SNX29: variants seen among roughly 807,000 people sequenced by gnomAD.
The protein encoded by SNX29 is sorting nexin 29, also known as sorting nexin-29.
Under a neutral mutation model 102.1 loss-of-function variants are expected in SNX29, and 78 were observed. That is an observed-to-expected ratio of 0.76 (90% confidence interval 0.64 to 0.92). The LOEUF is 0.92. SNX29 is among the 40% of genes least tolerant of loss of function. The pLI is 0.00. For synonymous variants in SNX29, 580 were observed against 414.5 expected, an observed-to-expected ratio of 1.40 and a Z score of -4.85; for missense variants, 1,280 against 1,061.7, an observed-to-expected ratio of 1.21 and a Z score of -2.86.
chr16:12,538,137 A>T (rs578009594), intron 20 of SNX29, among the ~76,000 whole-genome samples: 2 of 151,980 alleles, frequency 1.3e-5, no homozygotes, highest in Non-Finnish European at 2.9e-5. Flanking sequence ...TATTTTTGAG[A>T]CGGAGTCTCA....
At chr16:12,208,669 C>G (rs1160444819) in intron 14 of SNX29, among the ~76,000 whole-genome samples, 1 of 151,968 alleles carries the variant, frequency 6.6e-6, no homozygotes, top group Admixed American at 6.6e-5. Flanking sequence ...AAGAGGTCGT[C>G]TCTGCAAACA....
intron 20 of SNX29, among the ~76,000 whole-genome samples, chr16:12,535,566 G>A (rs961954598): frequency 2.6e-5 from 4 of 152,200 alleles, no homozygotes; most frequent in African/African-American, 9.7e-5. Context: ...AGCATGGGGA[G>A]TGTGAGCTGG....
At chr16:12,538,038 C>A (rs560874411) in intron 20 of SNX29, among the ~76,000 whole-genome samples, 11 of 152,024 alleles carry the variant, frequency 7.2e-5, no homozygotes, top group South Asian at 6.3e-4. Context: ...TCGTCCTGTC[C>A]TGCTAAAGTA....
At chr16:12,111,649 C>T (rs2053506047) in intron 11 of SNX29, among the ~76,000 whole-genome samples, 1 of 152,174 alleles carries the variant, frequency 6.6e-6, no homozygotes, top group African/African-American at 2.4e-5. Context: ...GGCATAGCCA[C>T]CCAGCAGAGC....
At chr16:12,520,927 A>G (rs913189066) in intron 19 of SNX29, among the ~76,000 whole-genome samples, 2 of 152,172 alleles carry the variant, frequency 1.3e-5, no homozygotes, top group African/African-American at 4.8e-5. Context: ...GGCCGGGTGC[A>G]GTAGCTCATG....
At chr16:12,551,789 C>T (rs975444039) in intron 20 of SNX29, among the ~76,000 whole-genome samples, 1 of 152,224 alleles carries the variant, frequency 6.6e-6, no homozygotes, top group East Asian at 1.9e-4. Flanking sequence ...TTCAGAAGCA[C>T]ATGGGCATCA....
chr16:12,415,920 G>A (rs958204898), intron 18 of SNX29, among the ~76,000 whole-genome samples: 4 of 152,152 alleles, frequency 2.6e-5, no homozygotes, highest in Non-Finnish European at 4.4e-5. Flanking sequence ...ATCTTGTCGG[G>A]AAGAAATGGC....
chr16:12,033,711 T>A (rs1359165443), intron 4 of SNX29, among the ~76,000 whole-genome samples: 1 of 151,642 alleles, frequency 6.6e-6, no homozygotes, highest in Non-Finnish European at 1.5e-5. Context: ...GGTTCAAGTG[T>A]TTCTCCTGCT....
chr16:12,025,755 A>G (rs905270839), intron 3 of SNX29, among the ~76,000 whole-genome samples: 3 of 152,222 alleles, frequency 2.0e-5, no homozygotes, highest in Non-Finnish European at 4.4e-5. Context: ...TAGTGTAGAC[A>G]GAATGACGAG....
intron 18 of SNX29, among the ~76,000 whole-genome samples, chr16:12,406,023 ACT>A (rs2084146766): frequency 6.6e-6 from 1 of 151,104 alleles, no homozygotes; most frequent in South Asian, 2.1e-4. Context: ...CAAGAATGAG[ACT>A]CTGCCTCAAA....
At chr16:12,357,365 C>T (rs895636177) in intron 16 of SNX29, among the ~76,000 whole-genome samples, 1 of 152,142 alleles carries the variant, frequency 6.6e-6, no homozygotes, top group Non-Finnish European at 1.5e-5. Context: ...ATATCCTTAT[C>T]ACCCCCATTA....
chr16:12,291,872 G>A (rs1451062317), intron 15 of SNX29, among the ~76,000 whole-genome samples: 2 of 152,186 alleles, frequency 1.3e-5, no homozygotes, highest in African/African-American at 4.8e-5. Context: ...ATGAATGAAT[G>A]GATGAGTGAG....
chr16:12,572,062 C>T lies in SNX29; in HGVS notation c.*3433C>T, dbSNP rs1243735128. The T allele has an allele frequency of 9.4e-7, 1 of 1,063,564 alleles. No individual in the cohort carries two copies. Among genetic ancestry groups the T allele is most frequent in the Admixed American group, 5.4e-5 (1 of 18,664 alleles). The allele number at this position is 1,063,564 out of a possible 1,614,324, so 65.9% of individuals were successfully genotyped here. The stretch of plus-strand genomic sequence containing the variant: ...GTGGAGTTGTAAACAAGGGAACCAT[C>T]TTGCAAGATCTAGGAAGAGGAAGGG... On this transcript the variant is annotated 3_prime_UTR_variant, in exon 21 of 21. Transcript: ENST00000566228.
intron 3 of SNX29, among the ~76,000 whole-genome samples, chr16:12,004,846 A>G (rs1370190407): frequency 6.6e-6 from 1 of 152,262 alleles, no homozygotes; most frequent in Non-Finnish European, 1.5e-5. Context: ...TGCACGTATT[A>G]CCATCCAACA....
chr16:12,152,565 T>TG (rs906198078), intron 13 of SNX29, among the ~76,000 whole-genome samples: 3 of 152,190 alleles, frequency 2.0e-5, no homozygotes, highest in African/African-American at 7.2e-5. Context: ...ACCCATCAAA[T>TG]GGGGCAAACC....
chr16:12,204,140 C>T (rs1312763170), intron 14 of SNX29, among the ~76,000 whole-genome samples: 1 of 152,150 alleles, frequency 6.6e-6, no homozygotes, highest in Non-Finnish European at 1.5e-5. Context: ...ACAGAAAGAG[C>T]AGCTGAGCTG....
chr16:12,277,819 G>A (rs1281340060), intron 14 of SNX29, 114 bp from the exon 15 acceptor site: 3 of 798,652 alleles, frequency 3.8e-6, no homozygotes, highest in Non-Finnish European at 6.1e-6. Flanking sequence ...TGTTTTTCTT[G>A]AGAGCTTTTT....
intron 15 of SNX29, among the ~76,000 whole-genome samples, chr16:12,289,322 C>T (rs903011721): frequency 6.6e-6 from 1 of 152,220 alleles, no homozygotes; most frequent in African/African-American, 2.4e-5. Flanking sequence ...CCTCCTCTCC[C>T]TTGGCCTCTC....
chr16:12,192,785 C>T (rs1261813054), intron 13 of SNX29, among the ~76,000 whole-genome samples: 11 of 152,212 alleles, frequency 7.2e-5, no homozygotes, highest in Admixed American at 7.2e-4. Flanking sequence ...TCACTGCAAC[C>T]TCTGCCTCCC....
Sources: gnomAD v4.1 joint callset for allele counts (sites outside exome capture counted in the v4.1 genomes callset) on GRCh38, gnomAD v4.1.1 for gene constraint, MANE v1.5 for transcripts, NCBI Gene and HGNC (gene_info 2026-07-23, HGNC 2026-07-21) for gene names.